ATRIP: variants seen among roughly 807,000 people sequenced by gnomAD.
The protein encoded by ATRIP is ATR interacting protein, also known as ATR-interacting protein.
ATRIP carries 44 observed loss-of-function variants against 78.1 expected under a neutral mutation model. The observed-to-expected ratio is 0.56, with a 90% CI of 0.44 to 0.72. The LOEUF (loss-of-function observed/expected upper bound fraction) is 0.72, where lower values mean the gene tolerates loss of function less well. Ranked by LOEUF, ATRIP falls within the 30% of genes least tolerant of loss-of-function variation. The pLI, the probability that ATRIP is intolerant of heterozygous loss-of-function variation, is 0.00. For missense variants in ATRIP, 927 were observed against 980.2 expected, an observed-to-expected ratio of 0.95 and a Z score of 0.72; for synonymous variants, 388 against 408.9, an observed-to-expected ratio of 0.95 and a Z score of 0.62.
intron 4 of ATRIP, among the ~76,000 whole-genome samples, chr3:48,456,780 A>C (rs1440268102): frequency 6.6e-6 from 1 of 152,188 alleles, no homozygotes; most frequent in Non-Finnish European, 1.5e-5. Flanking sequence ...GTCTCAAAAA[A>C]AAATGTTTTG....
rs2040084255 is a variant in ATRIP, at chr3:48,460,782, C to A, written c.1728C>A (p.Ser576=). 3 of 1,598,520 alleles carry A rather than the reference C, an allele frequency of 1.9e-6. No homozygotes were observed. The highest frequency in any genetic ancestry group is 1.3e-5 in the African/African-American group (1 of 74,638). Residue 576 remains serine (S), a synonymous_variant, in exon 8 of 13, where the codon TCC becomes TCA. Transcript: ENST00000320211. ...TGGTGAAATTAGCCGAAAACACTTC[C>A]TGTGATTTCTTGCCCAGGTATTAAG... The part of the protein sequence containing the change: ...KVLVKLAENT[S]CDFLPRFQCV...
Position 48,447,934 on chromosome 3 carries a change from A to G in ATRIP, c.247+842A>G, listed in dbSNP as rs533627473. ...TCTACATCTAATTTATTTGGAAAGC[A>G]TGTCAAGCTTACCTTCTTAATCCTT... On this transcript the variant is annotated intron_variant, in intron 1 of 12. Transcript: ENST00000320211. Among the ~76,000 whole-genome samples, 3 of 152,330 alleles carry G rather than the reference A, an allele frequency of 2.0e-5. No homozygotes were observed. The East Asian group carries it at 5.8e-4, about 29-fold the overall frequency.
At position 48,465,211 on chromosome 3, in the gene ATRIP, A is replaced by G. The variant is rs1052011311; in HGVS notation, c.2308+128A>G. ...TGCAGCCTGTTCCAGCACTGGGGCC[A>G]TTTTCTTTTATCTTCCTGCCTCAGT... On this transcript the variant is annotated intron_variant, in intron 12 of 12. Coordinates refer to ENST00000320211, the MANE Select transcript of ATRIP (RefSeq NM_130384.3). 4.8e-6 allele frequency: 6 copies of G among 1,245,114 alleles called. No individual in the cohort carries two copies. The Admixed American group carries it at 1.4e-4, about 30-fold the overall frequency. 77.1% of individuals were successfully genotyped at this position (1,245,114 alleles called of 1,614,324 possible).
chr3:48,450,572 C>T (rs1256477235), intron 2 of ATRIP: 1 of 1,255,102 alleles, frequency 8.0e-7, no homozygotes, highest in South Asian at 1.3e-5. Context: ...TTTAGTTGTG[C>T]AAGGTATGTG....
chr3:48,459,777 T>C lies in ATRIP; in HGVS notation c.926-10T>C. 1 of 1,609,172 alleles carries C rather than the reference T, an allele frequency of 6.2e-7. No individual in the cohort carries two copies. The highest frequency in any genetic ancestry group is 8.5e-7 in the Non-Finnish European group (1 of 1,178,750). On this transcript the variant is annotated splice_polypyrimidine_tract_variant and intron_variant, in intron 6 of 12. Coordinates refer to ENST00000320211, the MANE Select transcript of ATRIP (RefSeq NM_130384.3). ...GTCAGAACCTTCTAGAGTCATCTTG[T>C]CTTCTGCAGGTTCCATTTTGATAAA... is the stretch of plus-strand genomic sequence containing the variant.
chr3:48,450,369 A>T, intron 2 of ATRIP, 199 bp downstream of exon 2: 1 of 1,010,620 alleles, frequency 9.9e-7, no homozygotes, highest in South Asian at 1.5e-5. Flanking sequence ...CAAAGGCAAG[A>T]AGAAAAACAC....
chr3:48,450,662 C>T (rs950998013), intron 2 of ATRIP: 1 of 682,348 alleles, frequency 1.5e-6, no homozygotes, highest in Non-Finnish European at 2.1e-6. Flanking sequence ...TCTTGGCTCA[C>T]TTCAACCTCT....
At chr3:48,449,896 C>T (rs985562837) in intron 1 of ATRIP, 141 bp from the exon 2 acceptor site, 20 of 860,738 alleles carry the variant, frequency 2.3e-5, no homozygotes, top group Non-Finnish European at 2.5e-5. Flanking sequence ...AGTGATCACA[C>T]CACTGCACTC....
Position 48,450,125 on chromosome 3 carries a change from C to G in ATRIP, c.336C>G (p.Phe112Leu), listed in dbSNP as rs150341628. 1 of 1,612,750 alleles carries G rather than the reference C, an allele frequency of 6.2e-7. No individual in the cohort carries two copies. Among genetic ancestry groups the G allele is most frequent in the Non-Finnish European group, 8.5e-7 (1 of 1,179,568 alleles). ...NRETVPIKDN[F>L]ELEVLQAQYK... ...AAACTGTTCCAATTAAAGATAATTTCGAATTAGAGGTACTTCAGGCACAAT... is the reference window on the plus strand; with the variant it reads ...AAACTGTTCCAATTAAAGATAATTTGGAATTAGAGGTACTTCAGGCACAAT... Residue 112 changes from phenylalanine to leucine, a missense_variant, in exon 2 of 13, where the codon TTC becomes TTG. Transcript: ENST00000320211.
intron 1 of ATRIP, among the ~76,000 whole-genome samples, chr3:48,449,413 CAAAA>C (rs1297709851): frequency 3.3e-5 from 2 of 60,112 alleles, no homozygotes; most frequent in African/African-American, 1.7e-4. Context: ...GACTCTGTCT[CAAAA>C]AAAAAAAAAA....
At chr3:48,458,347 G>A (rs1479009239) in intron 5 of ATRIP, among the ~76,000 whole-genome samples, 2 of 150,194 alleles carry the variant, frequency 1.3e-5, no homozygotes, top group East Asian at 1.9e-4. Flanking sequence ...TCTTTGAGGC[G>A]GAGTCTCACT....
At chr3:48,449,203 G>C (rs1824363) in intron 1 of ATRIP, among the ~76,000 whole-genome samples, 101,391 of 151,762 alleles carry the variant, frequency 0.67, 34,179 homozygotes, top group African/African-American at 0.76. Context: ...CACTTGAGGC[G>C]AGGAGTTTGA....
chr3:48,449,973 G>T (rs1046438582), intron 1 of ATRIP, 64 bp from the exon 2 acceptor site: 1 of 1,503,408 alleles, frequency 6.7e-7, no homozygotes, highest in Non-Finnish European at 8.9e-7. Flanking sequence ...GGTATTTTCA[G>T]CATTTTCTGG....
Position 48,459,275 on chromosome 3 carries a change from G to A in ATRIP, c.830-84G>A, listed in dbSNP as rs1019634118. ...AGTTCGAAGAAGTAGAACAGCGTGTGTTTTAAACTCATTGCATGTAAAAGT... is the reference window on the plus strand; with the variant it reads ...AGTTCGAAGAAGTAGAACAGCGTGTATTTTAAACTCATTGCATGTAAAAGT... On this transcript the variant is annotated intron_variant, in intron 5 of 12. Coordinates refer to ENST00000320211, the MANE Select transcript of ATRIP (RefSeq NM_130384.3). 3.3e-5 allele frequency: 38 copies of A among 1,169,170 alleles called. No individual in the cohort carries two copies. In the Admixed American group the frequency reaches 6.7e-4, roughly 21 times the overall value. 72.4% of individuals were successfully genotyped at this position (1,169,170 alleles called of 1,614,324 possible).
intron 4 of ATRIP, 115 bp downstream of exon 4, chr3:48,454,533 G>A: frequency 1.5e-6 from 1 of 685,342 alleles, no homozygotes; most frequent in South Asian, 1.7e-5. Context: ...CCTGGGCAGA[G>A]ATCCTCTTTT....
In ATRIP at chr3:48,460,229, A is replaced by G. The variant is rs765870755; in HGVS notation, c.1175A>G (p.Asn392Ser). 22 of 1,613,998 alleles carry G rather than the reference A, an allele frequency of 1.4e-5. No individual in the cohort carries two copies. Among genetic ancestry groups the G allele is most frequent in the Non-Finnish European group, 1.7e-5 (20 of 1,180,032 alleles). Residue 392 changes from asparagine (N) to serine (S), a missense_variant, in exon 8 of 13, where the codon AAT (asparagine) becomes AGT (serine). By Grantham distance (46) the Asn-to-Ser change is conservative (BLOSUM62 1). Coordinates refer to ENST00000320211, the MANE Select transcript of ATRIP (RefSeq NM_130384.3). ...AFTGLNLVAR[N>S]ECSRDGDPAE... ...ACTGGACTGAATCTGGTTGCCCGGA[A>G]TGAGTGCTCACGTGATGGAGACCCA...
chr3:48,464,132 G>A lies in ATRIP; in HGVS notation c.1974G>A (p.Glu658=), dbSNP rs776641666. ...CACAATGGCTCCAGCTGGAACAAGA[G>A]GTAAAAACTCCAGAGCCCCTTCTGG... ...LETQWLQLEQ[E]VVWLLAKLGV... is the part of the protein sequence containing the mutation. The change falls in exon 10 of 13, where the codon GAG becomes GAA. Residue 658 remains glutamate (E), a splice_region_variant and synonymous_variant. Transcript: ENST00000320211. 6.2e-7 allele frequency: 1 copy of A among 1,612,216 alleles called. No homozygotes were observed. The highest frequency in any genetic ancestry group is 8.5e-7 in the Non-Finnish European group (1 of 1,178,548).
At position 48,464,061 on chromosome 3, in the gene ATRIP, C is replaced by A; in HGVS notation, c.1903C>A (p.Leu635Met). ...TTCAGAAGGCTGCCTCCTGCTGCTG[C>A]TGTACATGTACATCACATCACGGCC... ...SHSEGCLLLL[L>M]YMYITSRPDR... The change falls in exon 10 of 13, where the codon CTG (leucine) becomes ATG (methionine). Residue 635 changes from leucine to methionine, a missense_variant. Physicochemically the swap from Leu to Met is conservative, Grantham distance 15 (BLOSUM62 2). Coordinates refer to ENST00000320211, the MANE Select transcript of ATRIP (RefSeq NM_130384.3). The A allele has an allele frequency of 3.1e-6, 5 of 1,613,780 alleles. No individual in the cohort carries two copies. In the South Asian group the frequency reaches 4.4e-5, roughly 14 times the overall value.
chr3:48,452,673 C>T (rs1321071922), intron 3 of ATRIP, among the ~76,000 whole-genome samples: 6 of 151,934 alleles, frequency 3.9e-5, no homozygotes, highest in Non-Finnish European at 5.9e-5. Flanking sequence ...CCAGCCTGGG[C>T]AATAGAGCGA....
Sources: allele counts gnomAD v4.1 joint callset (sites outside exome capture counted in the v4.1 genomes callset), GRCh38; gene constraint gnomAD v4.1.1; transcripts MANE v1.5; gene names NCBI Gene and HGNC (gene_info 2026-07-23, HGNC 2026-07-21).